Variants in PDE12 observed in about 807,000 individuals in gnomAD.
PDE12 encodes phosphodiesterase 12.
Under a neutral mutation model 45.4 loss-of-function variants are expected in PDE12, and 26 were observed. The observed-to-expected ratio is 0.57, with a 90% CI of 0.42 to 0.79. The LOEUF (loss-of-function observed/expected upper bound fraction) is 0.79. Among genes scored for constraint, PDE12 ranks in the 30% least tolerant of loss-of-function variants. The pLI is 0.00. For missense variants in PDE12, 668 were observed against 790.0 expected (o/e 0.85, Z 1.85); for synonymous variants, 283 against 323.9 (o/e 0.87, Z 1.36).
the PDE12 span, among the ~76,000 whole-genome samples, chr3:57,608,244 A>T: frequency 6.6e-6 from 1 of 152,200 alleles, no homozygotes; most frequent in Non-Finnish European, 1.5e-5. Context: ...GAAGCACTAA[A>T]CATGGAAAGG....
the PDE12 span, among the ~76,000 whole-genome samples, chr3:57,579,693 T>C: frequency 6.6e-6 from 1 of 152,188 alleles, no homozygotes; most frequent in Non-Finnish European, 1.5e-5. Flanking sequence ...ATTTCCTTTG[T>C]TTTAGCAAAT....
the PDE12 span, among the ~76,000 whole-genome samples, chr3:57,620,428 A>T: frequency 1.3e-5 from 2 of 152,096 alleles, no homozygotes; most frequent in Non-Finnish European, 1.5e-5. Flanking sequence ...TTAAAAAATG[A>T]GTATGTCTGC....
At chr3:57,644,161 A>C in the PDE12 span, among the ~76,000 whole-genome samples, 3 of 151,998 alleles carry the variant, frequency 2.0e-5, no homozygotes, top group Non-Finnish European at 4.4e-5. Flanking sequence ...AAAAAAAAAA[A>C]AAAAAACTAT....
chr3:57,606,026 A>T, the PDE12 span, among the ~76,000 whole-genome samples: 7 of 152,298 alleles, frequency 4.6e-5, no homozygotes, highest in Non-Finnish European at 1.5e-5. Flanking sequence ...ATACATGGGT[A>T]ACTGAAGTCC....
chr3:57,556,688 C>T lies in PDE12; in HGVS notation c.309C>T (p.Ser103=), dbSNP rs2069664633. 4.4e-6 allele frequency: 7 copies of T among 1,594,638 alleles called. No homozygotes were observed. In the East Asian group the frequency reaches 1.3e-4, roughly 31 times the overall value. ...GCAGGAAGAGCCGGCCGAATGCTAG[C>T]GGCGGTGCGGCCTGTTCAGGGCCGG... ...KKSRKSRPNA[S]GGAACSGPGP... The change falls in exon 1 of 3, where the codon AGC becomes AGT. Residue 103 remains serine, a synonymous_variant. Transcript: ENST00000311180. This position sits in a 1 kb window ranked among gnomAD's most constrained non-coding sequence, Gnocchi z 5.0.
At chr3:57,619,205 G>A in the PDE12 span, among the ~76,000 whole-genome samples, 2 of 151,906 alleles carry the variant, frequency 1.3e-5, no homozygotes, top group South Asian at 2.1e-4. Context: ...AAAATTAGCC[G>A]GGTGTGGTGG....
At chr3:57,613,332 C>T in the PDE12 span, among the ~76,000 whole-genome samples, 2 of 137,550 alleles carry the variant, frequency 1.5e-5, no homozygotes, top group Non-Finnish European at 3.1e-5. Context: ...CTTACTCTGT[C>T]ACCCAGGCTA....
the PDE12 span, chr3:57,577,519 G>C: frequency 3.0e-6 from 2 of 671,244 alleles, no homozygotes; most frequent in Admixed American, 2.6e-5. Context: ...AGAACTTAAG[G>C]CTGTAATGCT....
At chr3:57,584,590 A>G in the PDE12 span, 2 of 787,384 alleles carry the variant, frequency 2.5e-6, no homozygotes, top group Non-Finnish European at 4.1e-6. Context: ...TGAGTTAGAA[A>G]TGAAATGACC....
the PDE12 span, among the ~76,000 whole-genome samples, chr3:57,603,424 C>T: frequency 6.6e-6 from 1 of 151,376 alleles, no homozygotes; most frequent in Non-Finnish European, 1.5e-5. Context: ...TACAACCTCT[C>T]CCTCCCAGGT....
the PDE12 span, among the ~76,000 whole-genome samples, chr3:57,641,046 A>G: frequency 7.9e-5 from 12 of 151,470 alleles, no homozygotes; most frequent in African/African-American, 2.7e-4. Context: ...GTATTTTGTG[A>G]TAAGTTGGGA....
the PDE12 span, among the ~76,000 whole-genome samples, chr3:57,649,922 T>C: frequency 2.2e-3 from 327 of 148,518 alleles, no homozygotes; most frequent in African/African-American, 7.3e-3. Flanking sequence ...TGTATATATA[T>C]ACACACACAC....
the PDE12 span, among the ~76,000 whole-genome samples, chr3:57,607,047 G>A: frequency 2.0e-5 from 3 of 152,134 alleles, no homozygotes; most frequent in Non-Finnish European, 4.4e-5. Context: ...CTGAGACGAA[G>A]CTTCCAGAGG....
chr3:57,557,756 G>T, intron 1 of PDE12, 69 bp downstream of exon 1: 1 of 1,408,918 alleles, frequency 7.1e-7, no homozygotes, highest in Non-Finnish European at 9.8e-7. Context: ...GAGGAATGAG[G>T]TGGGGGTTAA....
At chr3:57,593,555 A>T in the PDE12 span, among the ~76,000 whole-genome samples, 1 of 152,242 alleles carries the variant, frequency 6.6e-6, no homozygotes, top group African/African-American at 2.4e-5. Context: ...TGATATCAGC[A>T]AACTTTTTAA....
chr3:57,615,650 AAAG>A, the PDE12 span, among the ~76,000 whole-genome samples: 4 of 152,078 alleles, frequency 2.6e-5, no homozygotes, highest in Non-Finnish European at 4.4e-5. Flanking sequence ...CTAAAAACTT[AAAG>A]GTTAGCTGGG....
chr3:57,625,827 TATC>T, the PDE12 span: 1 of 152,574 alleles, frequency 6.6e-6, no homozygotes, highest in Non-Finnish European at 1.5e-5. Flanking sequence ...AAGACACCAT[TATC>T]ATGCTAATTG....
At chr3:57,655,332 G>A in the PDE12 span, among the ~76,000 whole-genome samples, 1 of 151,962 alleles carries the variant, frequency 6.6e-6, no homozygotes, top group Non-Finnish European at 1.5e-5. Flanking sequence ...TGCATCTGGC[G>A]GGAAACAAGA....
chr3:57,573,358 C>CA, the PDE12 span, among the ~76,000 whole-genome samples: 31 of 151,884 alleles, frequency 2.0e-4, no homozygotes, highest in South Asian at 6.3e-4. Flanking sequence ...GTGAAAGTAT[C>CA]AAAAAAAACC....
Sources: gnomAD v4.1 joint callset for allele counts (sites outside exome capture counted in the v4.1 genomes callset) on GRCh38, gnomAD v4.1.1 for gene constraint, Gnocchi (gnomAD v3.1) non-coding constraint, MANE v1.5 for transcripts, NCBI Gene and HGNC (gene_info 2026-07-23, HGNC 2026-07-21) for gene names.